ARID1B: variants seen among roughly 807,000 people sequenced by gnomAD.
ARID1B encodes the protein AT-rich interactive domain-containing protein 1B.
In ARID1B, 30 loss-of-function variants were observed where a neutral mutation model predicts 212.3. The ratio of observed to expected loss-of-function variants is 0.14; its 90% CI spans 0.11 to 0.19. The LOEUF (loss-of-function observed/expected upper bound fraction) is 0.19, where lower values mean the gene tolerates loss of function less well. ARID1B is among the 10% of genes least tolerant of loss of function. The probability of loss-of-function intolerance (pLI) is 1.00; values close to 1 mark genes in which losing one functional copy is unlikely to be tolerated. For missense variants in ARID1B, 2,891 were observed against 3,204.0 expected (o/e 0.90, Z 2.36); for synonymous variants, 1,402 against 1,301.7 (o/e 1.08, Z -1.66).
At chr6:157,176,392 GT>G (rs1239763871) in intron 11 of ARID1B, among the ~76,000 whole-genome samples, 1 of 152,124 alleles carries the variant, frequency 6.6e-6, no homozygotes, top group African/African-American at 2.4e-5. Flanking sequence ...GTCTGCCCTG[GT>G]TTTTTGTTTT....
rs377258486 is a variant in ARID1B at position 156,917,887 on chromosome 6, A to C, written c.2136+16362A>C. Reference sequence around the variant, plus strand: ...GAGTAGGTAGATGGGTGTTTAAATGATATTTTCTAAAATATCTTTCTTCAG... The same window carrying C: ...GAGTAGGTAGATGGGTGTTTAAATGCTATTTTCTAAAATATCTTTCTTCAG... On this transcript the variant is annotated intron_variant, in intron 3 of 19. Coordinates refer to ENST00000636930, the MANE Select transcript of ARID1B (RefSeq NM_001374828.1). 5.9e-5 allele frequency among the ~76,000 whole-genome samples: 9 copies of C among 152,302 alleles called. No homozygotes were observed. In the East Asian group the frequency reaches 1.7e-3, roughly 29 times the overall value.
In ARID1B at chr6:157,189,701, G is replaced by A. The variant is rs2128338822; in HGVS notation, c.3979G>A (p.Ala1327Thr). Reference sequence around the variant, plus strand: ...CCAGTCAACTGGCAGCAATTCCATGGCAGAGGTTCCAGGTGACCTGAAGCC... The same window carrying A: ...CCAGTCAACTGGCAGCAATTCCATGACAGAGGTTCCAGGTGACCTGAAGCC... ...TPQSTGSNSM[A>T]EVPGDLKPPT... The change falls in exon 14 of 20, where the codon GCA becomes ACA. Residue 1327 changes from alanine (A) to threonine (T), a missense_variant. Around this residue, in one of 7 missense-constraint regions of ARID1B, gnomAD observed 666 missense variants for 873.5 expected, o/e 0.76. Transcript: ENST00000636930. 6.2e-7 allele frequency: 1 copy of A among 1,613,920 alleles called. No individual in the cohort carries two copies. The highest frequency in any genetic ancestry group is 8.5e-7 in the Non-Finnish European group (1 of 1,180,006).
At chr6:157,037,690 G>C (rs79175508) in intron 4 of ARID1B, among the ~76,000 whole-genome samples, 2,915 of 152,308 alleles carry the variant, frequency 0.019, 106 homozygotes, top group African/African-American at 0.067. Flanking sequence ...CCAGGTAGTG[G>C]TCAGATTTGC....
chr6:156,852,252 A>AGCCTGGGC (rs1264210223), intron 2 of ARID1B, among the ~76,000 whole-genome samples: 1 of 152,062 alleles, frequency 6.6e-6, no homozygotes, highest in Non-Finnish European at 1.5e-5. Flanking sequence ...GTTTGAGACC[A>AGCCTGGGC]GCCTGGGCAG....
At chr6:156,861,569 C>T (rs1214247184) in intron 2 of ARID1B, among the ~76,000 whole-genome samples, 1 of 152,024 alleles carries the variant, frequency 6.6e-6, no homozygotes, top group East Asian at 1.9e-4. Context: ...TGTGATTGTA[C>T]TACTGCACTC....
In ARID1B at chr6:156,779,084, CG is replaced by C; in HGVS notation, c.1408del (p.Ala470ProfsTer43). ...GCATGATGATGGGCCCCGGGGGCGG[CG>C]GGGCCGCGAGCCTCAGCAAGGCGGC... The part of the protein sequence containing the change: ...GGMMMGPGGG[G>X]AASLSKAAAG... On this transcript the variant is annotated frameshift_variant, in exon 1 of 20. Coordinates refer to ENST00000636930, the MANE Select transcript of ARID1B (RefSeq NM_001374828.1). LOFTEE classifies it high-confidence loss of function. 8.2e-7 allele frequency: 1 copy of C among 1,223,642 alleles called. No individual in the cohort carries two copies. The highest frequency in any genetic ancestry group is 3.5e-5 in the South Asian group (1 of 28,408). 75.8% of individuals were successfully genotyped at this position (1,223,642 alleles called of 1,614,324 possible).
At chr6:156,809,481 A>G (rs984786798) in intron 1 of ARID1B, among the ~76,000 whole-genome samples, 4 of 152,168 alleles carry the variant, frequency 2.6e-5, no homozygotes, top group Non-Finnish European at 5.9e-5. Flanking sequence ...TAATCTTTCC[A>G]TATGATATCT....
chr6:156,817,956 G>A (rs1303352950), intron 1 of ARID1B, among the ~76,000 whole-genome samples: 1 of 152,068 alleles, frequency 6.6e-6, no homozygotes, highest in Admixed American at 6.5e-5. Flanking sequence ...ATCACTGTCA[G>A]GAAACTTAGA....
At chr6:156,884,569 G>A (rs1222715310) in intron 2 of ARID1B, among the ~76,000 whole-genome samples, 2 of 152,206 alleles carry the variant, frequency 1.3e-5, no homozygotes, top group Non-Finnish European at 2.9e-5. Context: ...ATTAGGAGGT[G>A]TAAGGATGGA....
rs1794669886 is a variant in ARID1B at position 157,209,442 on chromosome 6, A to G, written c.*1551A>G. The G allele has an allele frequency of 4.3e-6, 1 of 232,578 alleles. No homozygotes were observed. Among genetic ancestry groups the G allele is most frequent in the Non-Finnish European group, 8.5e-6 (1 of 117,532 alleles). 14.4% of individuals were successfully genotyped at this position (232,578 alleles called of 1,614,324 possible). ...GGGAGCAACAGTTTGATTTTCTCAA[A>G]TTACTTAGCTAATTAGTCTTTCTTT... is the stretch of plus-strand genomic sequence containing the variant. On this transcript the variant is annotated 3_prime_UTR_variant, in exon 20 of 20. Transcript: ENST00000636930.
chr6:157,073,533 G>A (rs1362388692), intron 4 of ARID1B, among the ~76,000 whole-genome samples: 1 of 152,226 alleles, frequency 6.6e-6, no homozygotes, highest in Non-Finnish European at 1.5e-5. Flanking sequence ...ATATGTGGAT[G>A]TATGTATTTA....
intron 2 of ARID1B, among the ~76,000 whole-genome samples, chr6:156,838,648 G>T (rs1783673976): frequency 6.6e-6 from 1 of 151,382 alleles, no homozygotes; most frequent in Non-Finnish European, 1.5e-5. Flanking sequence ...AAACCAACAT[G>T]GCACATGTAT....
At position 157,207,049 on chromosome 6, in the gene ARID1B, G is replaced by A. The variant is rs1794518875; in HGVS notation, c.6277G>A (p.Gly2093Ser). Reference sequence around the variant, plus strand: ...TGATGCCGAAATGTCCAAACATCCAGGCCTGGTGCTGATCCTGGGGAAGCT... The same window carrying A: ...TGATGCCGAAATGTCCAAACATCCAAGCCTGGTGCTGATCCTGGGGAAGCT... ...GNDAEMSKHP[G>S]LVLILGKLIL... Residue 2093 changes from glycine (G) to serine (S), a missense_variant, in exon 20 of 20, where the codon GGC becomes AGC. Around this residue, in one of 7 missense-constraint regions of ARID1B, gnomAD observed 19 missense variants for 52.9 expected, o/e 0.36. Coordinates refer to ENST00000636930, the MANE Select transcript of ARID1B (RefSeq NM_001374828.1). The surrounding 1 kb of genome is among the most constrained non-coding windows in gnomAD (Gnocchi z 8.5). 1 of 1,614,120 alleles carries A rather than the reference G, an allele frequency of 6.2e-7. No homozygotes were observed. Among genetic ancestry groups the A allele is most frequent in the African/African-American group, 1.3e-5 (1 of 74,934 alleles).
At position 157,209,583 on chromosome 6, in the gene ARID1B, T is replaced by A. The variant is rs1794673468; in HGVS notation, c.*1692T>A. 1 of 233,108 alleles carries A rather than the reference T, an allele frequency of 4.3e-6. No homozygotes were observed. The highest frequency in any genetic ancestry group is 8.5e-6 in the Non-Finnish European group (1 of 118,026). 14.4% of individuals were successfully genotyped at this position (233,108 alleles called of 1,614,324 possible). A position where few individuals can be genotyped will look rare whatever the true frequency, so the allele number is the denominator to read the frequency against. On this transcript the variant is annotated 3_prime_UTR_variant, in exon 20 of 20. Coordinates refer to ENST00000636930, the MANE Select transcript of ARID1B (RefSeq NM_001374828.1). ...GCTTAACTGGCCTGAAAATGTAACA[T>A]TCTGCCTTTTACTAACTCCATCTTA...
At chr6:156,818,096 C>A (rs117721175) in intron 1 of ARID1B, among the ~76,000 whole-genome samples, 3 of 69,464 alleles carry the variant, frequency 4.3e-5, no homozygotes, top group Non-Finnish European at 6.1e-5. Flanking sequence ...TTTAGTTGCC[C>A]TATTTTTTTT....
In ARID1B at chr6:156,778,706, A is replaced by C; in HGVS notation, c.1026A>C (p.Gln342His). 3 of 1,518,080 alleles carry C rather than the reference A, an allele frequency of 2.0e-6. No homozygotes were observed. The highest frequency in any genetic ancestry group is 2.7e-6 in the Non-Finnish European group (3 of 1,131,684). The allele number at this position is 1,518,080 out of a possible 1,614,324, so 94.0% of individuals were successfully genotyped here. A position where few individuals can be genotyped will look rare whatever the true frequency, so the allele number is the denominator to read the frequency against. The change falls in exon 1 of 20, where the codon CAA becomes CAC. Residue 342 changes from glutamine (Q) to histidine (H), a missense_variant. Physicochemically the swap from Gln to His is conservative, Grantham distance 24 (BLOSUM62 0). This residue lies in a region of ARID1B where 1,643 missense variants were observed against 1,544.0 expected (regional missense o/e 1.06). Coordinates refer to ENST00000636930, the MANE Select transcript of ARID1B (RefSeq NM_001374828.1). Reference protein sequence around the residue: ...GPCFDQHGGQQSPGMGMMHSA... With the variant: ...GPCFDQHGGQHSPGMGMMHSA... ...GCTTTGATCAACATGGCGGACAACA[A>C]AGCCCCGGGATGGGGATGATGCACT...
At chr6:157,096,748 T>C (rs1425502615) in intron 5 of ARID1B, among the ~76,000 whole-genome samples, 1 of 152,230 alleles carries the variant, frequency 6.6e-6, no homozygotes, top group Admixed American at 6.5e-5. Context: ...AGTTCTAGCC[T>C]CGTGCTGGAG....
chr6:156,894,267 C>CTGGGGTTGGGATGGGGGCCG (rs1788196832), intron 2 of ARID1B, among the ~76,000 whole-genome samples: 1 of 26,864 alleles, frequency 3.7e-5, no homozygotes, highest in Non-Finnish European at 6.5e-5. Context: ...TGGTGCTTGC[C>CTGGGGTTGGGATGGGGGCCG]GGGGGTTGGG....
chr6:156,804,845 AAG>A (rs1781037716), intron 1 of ARID1B, among the ~76,000 whole-genome samples: 1 of 149,268 alleles, frequency 6.7e-6, no homozygotes, highest in Non-Finnish European at 1.5e-5. Flanking sequence ...TTTTACTACT[AAG>A]AGAGATGTGA....
Sources: allele counts gnomAD v4.1 joint callset (sites outside exome capture counted in the v4.1 genomes callset), GRCh38; gene constraint gnomAD v4.1.1; regional missense constraint gnomAD v4.1.1; non-coding constraint Gnocchi (gnomAD v3.1); transcripts MANE v1.5; gene names NCBI Gene and HGNC (gene_info 2026-07-23, HGNC 2026-07-21).